Variants in VILL observed in about 807,000 individuals in gnomAD.
The protein encoded by VILL is villin-like protein.
Under a neutral mutation model 106.3 loss-of-function variants are expected in VILL, and 102 were observed. The ratio of observed to expected loss-of-function variants is 0.96; its 90% CI spans 0.82 to 1.13. The LOEUF is 1.13. VILL is among the 50% of genes most tolerant of loss of function. VILL has a pLI of 0.00. For missense variants in VILL, 1,076 were observed against 1,116.6 expected, an observed-to-expected ratio of 0.96 and a Z score of 0.52; for synonymous variants, 431 against 440.3, an observed-to-expected ratio of 0.98 and a Z score of 0.27.
intron 15 of VILL, 171 bp downstream of exon 15, chr3:38,003,484 AG>A: frequency 1.2e-6 from 1 of 851,084 alleles, no homozygotes; most frequent in Non-Finnish European, 1.7e-6. Flanking sequence ...CTTCGCTCCC[AG>A]GCCTGGGTAA....
At chr3:38,002,966 T>C in intron 14 of VILL, 1 of 664,908 alleles carries the variant, frequency 1.5e-6, no homozygotes, top group Non-Finnish European at 2.5e-6. Context: ...CCTGCGAGGG[T>C]CCCAGACCCT....
intron 4 of VILL, among the ~76,000 whole-genome samples, chr3:37,995,280 T>C (rs1699680397): frequency 6.6e-6 from 1 of 152,260 alleles, no homozygotes; most frequent in Admixed American, 6.5e-5. Flanking sequence ...TGAACCTATA[T>C]ATGCATATAG....
In VILL at chr3:38,006,433, GC is replaced by G; in HGVS notation, c.2206-15del. On this transcript the variant is annotated splice_polypyrimidine_tract_variant and intron_variant, in intron 18 of 19. Transcript: ENST00000383759. ...GATTCCCCATCTTCCCCAGCCTGAG[GC>G]TCCTCTCTGGACAGGAAGTCAACAA... The G allele has an allele frequency of 6.3e-7, 1 of 1,586,010 alleles. No individual in the cohort carries two copies. The highest frequency in any genetic ancestry group is 8.6e-7 in the Non-Finnish European group (1 of 1,161,700).
Position 37,999,385 on chromosome 3 carries a change from G to T in VILL, c.1128G>T (p.Gln376His). 6.6e-7 allele frequency: 1 copy of T among 1,507,034 alleles called. No homozygotes were observed. Among genetic ancestry groups the T allele is most frequent in the Non-Finnish European group, 8.8e-7 (1 of 1,130,950 alleles). The allele number at this position is 1,507,034 out of a possible 1,614,324, so 93.4% of individuals were successfully genotyped here. A position where few individuals can be genotyped will look rare whatever the true frequency, so the allele number is the denominator to read the frequency against. ...VKLDVGKLHTQPKLAAQLRMV... is the reference protein window; with the variant it reads ...VKLDVGKLHTHPKLAAQLRMV... ...TGGACGTGGGCAAGCTGCACACCCA[G>T]CCTAAGTTAGCGGCCCAGCTCAGGA... The change falls in exon 11 of 20, where the codon CAG (glutamine) becomes CAT (histidine). Residue 376 changes from glutamine to histidine, a missense_variant. By Grantham distance (24) the Gln-to-His change is conservative. Transcript: ENST00000383759.
rs757285875 is a variant in VILL at position 37,998,949 on chromosome 3, A to G, written c.980A>G (p.Asn327Ser). ...GCCAAGGGCTACCCGACCTACACCA[A>G]CGTGGAGGTGGTGAACGACGGCGCC... ...IQAKGYPTYTNVEVVNDGAES... is the reference protein window; with the variant it reads ...IQAKGYPTYTSVEVVNDGAES... The change falls in exon 10 of 20, where the codon AAC (asparagine) becomes AGC (serine). Residue 327 changes from asparagine (N) to serine (S), a missense_variant. By Grantham distance (46) the Asn-to-Ser change is conservative. Coordinates refer to ENST00000383759, the MANE Select transcript of VILL (RefSeq NM_015873.4). This position sits in a 1 kb window ranked among gnomAD's most constrained non-coding sequence, Gnocchi z 4.1. 55 of 1,606,784 alleles carry G rather than the reference A, an allele frequency of 3.4e-5. No homozygotes were observed. The highest frequency in any genetic ancestry group is 4.2e-5 in the Non-Finnish European group (49 of 1,176,672).
rs1374213304 is a variant in VILL, at chr3:37,998,221, G to A, written c.844-45G>A. On this transcript the variant is annotated intron_variant, in intron 8 of 19. Coordinates refer to ENST00000383759, the MANE Select transcript of VILL (RefSeq NM_015873.4). This position sits in a 1 kb window ranked among gnomAD's most constrained non-coding sequence, Gnocchi z 4.1. ...GCATCCTTCCCCATCCACAACCCCA[G>A]CCCAGTCTGGACCACCTACTGACCA... is the stretch of plus-strand genomic sequence containing the variant. 1 of 1,613,886 alleles carries A rather than the reference G, an allele frequency of 6.2e-7. No homozygotes were observed. The highest frequency in any genetic ancestry group is 1.1e-5 in the South Asian group (1 of 91,074).
intron 10 of VILL, 75 bp downstream of exon 10, chr3:37,999,125 CGTT>C (rs1348348808): frequency 8.4e-5 from 15 of 178,438 alleles, no homozygotes; most frequent in Non-Finnish European, 1.1e-4. Flanking sequence ...ATCGGCAACT[CGTT>C]GGGATGGGTG....
intron 13 of VILL, 169 bp downstream of exon 13, chr3:38,002,029 G>A (rs1022337717): frequency 1.8e-6 from 2 of 1,093,618 alleles, no homozygotes; most frequent in Non-Finnish European, 1.3e-6. Flanking sequence ...CCCCCTGCCT[G>A]AGTTTCCCTC....
Position 37,998,873 on chromosome 3 carries a change from C to T in VILL, c.943-39C>T, listed in dbSNP as rs762491187. The T allele has an allele frequency of 7.0e-6, 11 of 1,571,202 alleles. No individual in the cohort carries two copies. The highest frequency in any genetic ancestry group is 6.9e-5 in the Admixed American group (4 of 57,776). ...CCAGGAGCGGCAGTGGGGCAGTGGA[C>T]TCTCAGGGTCGCAGGACTGACGATG... On this transcript the variant is annotated intron_variant, in intron 9 of 19. Transcript: ENST00000383759. This position sits in a 1 kb window ranked among gnomAD's most constrained non-coding sequence, Gnocchi z 4.1.
intron 3 of VILL, 90 bp downstream of exon 3, chr3:37,994,062 G>A (rs983569381): frequency 5.9e-5 from 92 of 1,547,904 alleles, no homozygotes; most frequent in Admixed American, 1.4e-4. Context: ...GCCCTGGGAA[G>A]CGGCAAGTTG....
rs199506645 is a variant in VILL, at chr3:38,006,983, A to G, written c.2499A>G (p.Lys833=). 8 of 1,614,124 alleles carry G rather than the reference A, an allele frequency of 5.0e-6. No individual in the cohort carries two copies. In the African/African-American group the frequency reaches 1.1e-4, roughly 22 times the overall value. The change falls in exon 20 of 20, where the codon AAA becomes AAG. Residue 833 remains lysine, a synonymous_variant. Coordinates refer to ENST00000383759, the MANE Select transcript of VILL (RefSeq NM_015873.4). The part of the protein sequence containing the change: ...SDSDFQDIFG[K]SKEEFYSMAT... Reference sequence around the variant, plus strand: ...CTGACTTCCAAGATATCTTTGGGAAATCCAAGGAGGAATTCTACAGCATGG... The same window carrying G: ...CTGACTTCCAAGATATCTTTGGGAAGTCCAAGGAGGAATTCTACAGCATGG...
rs1467228194 is a variant in VILL, at chr3:38,001,693, C to T, written c.1321-9C>T. On this transcript the variant is annotated splice_polypyrimidine_tract_variant and intron_variant, in intron 12 of 19. Transcript: ENST00000383759. ...GGGCCAGGCCCTCACTCACTGCCCC[C>T]ACCTGCAGGGCCACCAGGCCACTGC... 3.7e-6 allele frequency: 6 copies of T among 1,614,018 alleles called. No homozygotes were observed. Among genetic ancestry groups the T allele is most frequent in the Admixed American group, 1.7e-5 (1 of 60,010 alleles).
Position 37,998,826 on chromosome 3 carries a change from G to C in VILL, c.943-86G>C. 6.7e-7 allele frequency: 1 copy of C among 1,502,996 alleles called. No individual in the cohort carries two copies. Among genetic ancestry groups the C allele is most frequent in the Non-Finnish European group, 8.9e-7 (1 of 1,122,378 alleles). 93.1% of individuals were successfully genotyped at this position (1,502,996 alleles called of 1,614,324 possible). A position where few individuals can be genotyped will look rare whatever the true frequency, so the allele number is the denominator to read the frequency against. On this transcript the variant is annotated intron_variant, in intron 9 of 19. Transcript: ENST00000383759. This position sits in a 1 kb window ranked among gnomAD's most constrained non-coding sequence, Gnocchi z 4.1. ...GTTAATTAACGCTTCTTGGAGCTCGGCTGTCCCAGAGCGGTAGGTCCCCAG... is the reference window on the plus strand; with the variant it reads ...GTTAATTAACGCTTCTTGGAGCTCGCCTGTCCCAGAGCGGTAGGTCCCCAG...
intron 11 of VILL, chr3:38,001,221 G>A (rs775252417): frequency 1.6e-6 from 1 of 620,876 alleles, no homozygotes; most frequent in Non-Finnish European, 2.8e-6. Flanking sequence ...CTGGGATTGG[G>A]CCCATCTCCC....
chr3:37,999,661 A>G (rs1370394220), intron 11 of VILL, among the ~76,000 whole-genome samples: 1 of 152,172 alleles, frequency 6.6e-6, no homozygotes, highest in Non-Finnish European at 1.5e-5. Context: ...ACACAGACAC[A>G]CAGTACAGTA....
At chr3:37,991,988 G>C (rs1699617491) in intron 1 of VILL, among the ~76,000 whole-genome samples, 1 of 152,104 alleles carries the variant, frequency 6.6e-6, no homozygotes, top group Non-Finnish European at 1.5e-5. Flanking sequence ...CTACGGGCTG[G>C]GGCTGGATAT....
upstream of VILL, chr3:37,988,279 G>A (rs908314429): frequency 1.3e-5 from 2 of 152,248 alleles, no homozygotes; most frequent in African/African-American, 2.4e-5. Flanking sequence ...AGCCGGGAAC[G>A]GCCATTGAGA....
In VILL at chr3:38,006,715, A is replaced by C; in HGVS notation, c.2457+15A>C. The C allele has an allele frequency of 1.3e-6, 2 of 1,591,994 alleles. No individual in the cohort carries two copies. The highest frequency in any genetic ancestry group is 1.7e-6 in the Non-Finnish European group (2 of 1,167,166). The stretch of plus-strand genomic sequence containing the variant: ...CCCGCAGGGAGGTGGGCACCCCCTC[A>C]CTGCCCCAGCACTAGTGCATCTGAC... On this transcript the variant is annotated intron_variant, in intron 19 of 19. Transcript: ENST00000383759.
In VILL at chr3:37,997,403, G is replaced by T; in HGVS notation, c.562-80G>T. The T allele has an allele frequency of 6.7e-7, 1 of 1,482,962 alleles. No homozygotes were observed. Among genetic ancestry groups the T allele is most frequent in the South Asian group, 1.2e-5 (1 of 85,636 alleles). 91.9% of individuals were successfully genotyped at this position (1,482,962 alleles called of 1,614,324 possible). A position where few individuals can be genotyped will look rare whatever the true frequency, so the allele number is the denominator to read the frequency against. On this transcript the variant is annotated intron_variant, in intron 6 of 19. Transcript: ENST00000383759. This position sits in a 1 kb window ranked among gnomAD's most constrained non-coding sequence, Gnocchi z 4.7. ...AGCCCTTCTCCCCATCAGCCTCTGG[G>T]AGCTGAGCAGTGACAGGAGAAGTCT...
Sources: allele counts gnomAD v4.1 joint callset (sites outside exome capture counted in the v4.1 genomes callset), GRCh38; gene constraint gnomAD v4.1.1; non-coding constraint Gnocchi (gnomAD v3.1); transcripts MANE v1.5; gene names NCBI Gene and HGNC (gene_info 2026-07-23, HGNC 2026-07-21).